CDH12: variants seen among roughly 807,000 people sequenced by gnomAD.
The protein encoded by CDH12 is cadherin-12.
CDH12 carries 41 observed loss-of-function variants against 74.1 expected under a neutral mutation model. The ratio of observed to expected loss-of-function variants is 0.55; its 90% CI spans 0.43 to 0.72. The LOEUF (loss-of-function observed/expected upper bound fraction) is 0.72. Among genes scored for constraint, CDH12 ranks in the 30% least tolerant of loss-of-function variants. The probability of loss-of-function intolerance (pLI) is 0.00; values close to 1 mark genes in which losing one functional copy is unlikely to be tolerated. For synonymous variants in CDH12, 399 were observed against 355.0 expected, an observed-to-expected ratio of 1.12 and a Z score of -1.39; for missense variants, 945 against 977.2, an observed-to-expected ratio of 0.97 and a Z score of 0.44.
At chr5:22,023,622 T>C (rs1738149699) in intron 5 of CDH12, among the ~76,000 whole-genome samples, 1 of 151,962 alleles carries the variant, frequency 6.6e-6, no homozygotes, top group Non-Finnish European at 1.5e-5. Flanking sequence ...TAATGACAGG[T>C]AGAATCAACT....
intron 1 of CDH12, among the ~76,000 whole-genome samples, chr5:22,525,126 A>C (rs1737212413): frequency 6.6e-6 from 1 of 152,084 alleles, no homozygotes; most frequent in Non-Finnish European, 1.5e-5. Context: ...ATGTCCCTAC[A>C]AAGGACATGA....
chr5:22,200,520 C>T (rs1750871921), intron 4 of CDH12, among the ~76,000 whole-genome samples: 2 of 152,102 alleles, frequency 1.3e-5, no homozygotes, highest in South Asian at 2.1e-4. Context: ...GAACAATTTC[C>T]ACTGTTCATT....
chr5:22,612,093 T>C (rs11749659), intron 1 of CDH12, among the ~76,000 whole-genome samples: 10,530 of 152,226 alleles, frequency 0.069, 452 homozygotes, highest in East Asian at 0.24. Context: ...ATTGGTTATA[T>C]GCCTCACTCA....
chr5:22,262,904 T>C (rs541760367), intron 3 of CDH12, among the ~76,000 whole-genome samples: 2 of 151,898 alleles, frequency 1.3e-5, no homozygotes, highest in East Asian at 1.9e-4. Context: ...ACAGGCAACC[T>C]ACAAAATGGG....
chr5:22,199,217 T>C (rs1405362809), intron 4 of CDH12, among the ~76,000 whole-genome samples: 2 of 152,170 alleles, frequency 1.3e-5, no homozygotes, highest in East Asian at 1.9e-4. Context: ...ACCAAACTTC[T>C]TGAATAGGAC....
chr5:22,797,746 C>T (rs1252702513), intron 1 of CDH12, among the ~76,000 whole-genome samples: 2 of 152,010 alleles, frequency 1.3e-5, no homozygotes, highest in Non-Finnish European at 1.5e-5. Context: ...TTGTAAATCT[C>T]AAGTTTTTTA....
chr5:21,800,724 G>A (rs777558750), intron 10 of CDH12, among the ~76,000 whole-genome samples: 1 of 152,198 alleles, frequency 6.6e-6, no homozygotes, highest in Admixed American at 6.5e-5. Flanking sequence ...CCTACATGTT[G>A]AAGGAGGGTC....
At chr5:21,950,854 C>G (rs1023849198) in intron 6 of CDH12, among the ~76,000 whole-genome samples, 1 of 150,672 alleles carries the variant, frequency 6.6e-6, no homozygotes, top group African/African-American at 2.4e-5. Flanking sequence ...GGAGCAATCT[C>G]AACCTCACTG....
intron 1 of CDH12, among the ~76,000 whole-genome samples, chr5:22,518,823 G>A (rs1736919102): frequency 6.6e-6 from 1 of 152,186 alleles, no homozygotes. Flanking sequence ...TGTGGGTAGT[G>A]TGTATCACTA....
At chr5:22,839,774 A>C (rs911567499) in intron 1 of CDH12, among the ~76,000 whole-genome samples, 1 of 152,228 alleles carries the variant, frequency 6.6e-6, no homozygotes, top group South Asian at 2.1e-4. Flanking sequence ...GCTTGTATAA[A>C]TGCACAACCA....
chr5:22,810,927 G>A (rs988478998), intron 1 of CDH12, among the ~76,000 whole-genome samples: 3 of 144,972 alleles, frequency 2.1e-5, no homozygotes, highest in African/African-American at 8.3e-5. Flanking sequence ...GTGTGTGTGT[G>A]TGTATACACA....
intron 6 of CDH12, among the ~76,000 whole-genome samples, chr5:21,884,499 A>G (rs1314835164): frequency 6.6e-6 from 1 of 152,218 alleles, no homozygotes; most frequent in Non-Finnish European, 1.5e-5. Context: ...GTCATTGTCC[A>G]TGCCTACAGA....
intron 4 of CDH12, among the ~76,000 whole-genome samples, chr5:22,112,424 TACA>T (rs1385222613): frequency 1.3e-5 from 2 of 152,216 alleles, no homozygotes; most frequent in Non-Finnish European, 2.9e-5. Context: ...ACTTGCCACA[TACA>T]ACAAGCCCAC....
chr5:22,188,358 G>A (rs1216156352), intron 4 of CDH12, among the ~76,000 whole-genome samples: 7 of 151,084 alleles, frequency 4.6e-5, no homozygotes, highest in African/African-American at 1.7e-4. Flanking sequence ...AAGAAACCAG[G>A]GGTATGGCCT....
At chr5:22,461,799 T>TC (rs980185953) in intron 2 of CDH12, among the ~76,000 whole-genome samples, 2 of 151,730 alleles carry the variant, frequency 1.3e-5, no homozygotes, top group African/African-American at 2.4e-5. Flanking sequence ...TTCATGTTTT[T>TC]TTTTCATTTT....
At chr5:21,768,849 T>C (rs750377073) in intron 11 of CDH12, among the ~76,000 whole-genome samples, 1 of 152,064 alleles carries the variant, frequency 6.6e-6, no homozygotes, top group Non-Finnish European at 1.5e-5. Flanking sequence ...GACTATTGTT[T>C]CTTATAAACA....
intron 1 of CDH12, among the ~76,000 whole-genome samples, chr5:22,537,717 A>C (rs981940869): frequency 6.6e-6 from 1 of 152,188 alleles, no homozygotes; most frequent in East Asian, 1.9e-4. Flanking sequence ...TAAAAAAACA[A>C]TAAATACTCT....
chr5:22,631,414 AT>A lies in CDH12; in HGVS notation c.-522-126051del, dbSNP rs1337830926. Among the ~76,000 whole-genome samples the A allele has an allele frequency of 2.6e-5, 4 of 152,056 alleles. No individual in the cohort carries two copies. In the East Asian group the frequency reaches 7.7e-4, roughly 29 times the overall value. On this transcript the variant is annotated intron_variant, in intron 1 of 14. Transcript: ENST00000382254. ...TGTTTATCATTGCTAGACTGGATAA[AT>A]AAAAAGTGGTTTATATACACCATAG... is the stretch of plus-strand genomic sequence containing the variant.
intron 1 of CDH12, among the ~76,000 whole-genome samples, chr5:22,759,871 C>A (rs1434680202): frequency 6.6e-6 from 1 of 152,130 alleles, no homozygotes; most frequent in Non-Finnish European, 1.5e-5. Flanking sequence ...CAGAGAAGAA[C>A]TGATGTTGTG....
Sources: allele counts gnomAD v4.1 joint callset (sites outside exome capture counted in the v4.1 genomes callset), GRCh38; gene constraint gnomAD v4.1.1; transcripts MANE v1.5; gene names NCBI Gene and HGNC (gene_info 2026-07-23, HGNC 2026-07-21).